Variants in BANK1 observed in about 807,000 individuals in gnomAD.
BANK1 encodes the protein B-cell scaffold protein with ankyrin repeats.
In BANK1, 95 loss-of-function variants were observed where a neutral mutation model predicts 94.5. The ratio of observed to expected loss-of-function variants is 1.00; its 90% CI spans 0.85 to 1.19. BANK1 has a LOEUF of 1.19. BANK1 is among the 50% of genes most tolerant of loss of function. The pLI, the probability that BANK1 is intolerant of heterozygous loss-of-function variation, is 0.00. For missense variants in BANK1, 987 were observed against 932.2 expected (o/e 1.06, Z -0.77); for synonymous variants, 334 against 308.4 (o/e 1.08, Z -0.87).
At position 101,874,298 on chromosome 4, in the gene BANK1, C is replaced by T. The variant is rs182040079; in HGVS notation, c.903+3654C>T. ...AGGGAACTCTCATCGTGAAGAACTTCTCCCTGTGCTTCTGTTAATAGTTCC... is the reference window on the plus strand; with the variant it reads ...AGGGAACTCTCATCGTGAAGAACTTTTCCCTGTGCTTCTGTTAATAGTTCC... On this transcript the variant is annotated intron_variant, in intron 5 of 16. Transcript: ENST00000322953. Among the ~76,000 whole-genome samples, 367 of 152,256 alleles carry T rather than the reference C, an allele frequency of 2.4e-3. 1 individual carries two copies. Among genetic ancestry groups the T allele is most frequent in the Non-Finnish European group, 3.4e-3 (232 of 68,002 alleles).
At chr4:101,899,158 A>G (rs1244811294) in intron 6 of BANK1, among the ~76,000 whole-genome samples, 1 of 147,462 alleles carries the variant, frequency 6.8e-6, no homozygotes, top group Non-Finnish European at 1.5e-5. Context: ...AATGTAAAAG[A>G]AAAAAAAAAT....
In BANK1 at chr4:101,949,056, G is replaced by A. The variant is rs150498917; in HGVS notation, c.1206+30867G>A. Among the ~76,000 whole-genome samples, 166 of 151,992 alleles carry A rather than the reference G, an allele frequency of 1.1e-3. 1 individual carries two copies. The highest frequency in any genetic ancestry group is 3.9e-3 in the African/African-American group (161 of 41,484). On this transcript the variant is annotated intron_variant, in intron 7 of 16. Transcript: ENST00000322953. ...GTCTCACCTTGGTCCTGGTCCTGTC[G>A]CTGAGGCTTGGGCTTGCTCTTATTT...
chr4:101,963,235 C>G (rs1399719599), intron 7 of BANK1, among the ~76,000 whole-genome samples: 1 of 152,078 alleles, frequency 6.6e-6, no homozygotes, highest in Non-Finnish European at 1.5e-5. Flanking sequence ...TCTCACACTT[C>G]TATTCTCCCA....
At chr4:101,962,503 C>T (rs1487732245) in intron 7 of BANK1, among the ~76,000 whole-genome samples, 1 of 152,188 alleles carries the variant, frequency 6.6e-6, no homozygotes, top group Admixed American at 6.6e-5. Context: ...TCTCTTTCAA[C>T]CACCTGCTTA....
intron 6 of BANK1, among the ~76,000 whole-genome samples, chr4:101,898,695 C>T (rs918259308): frequency 3.3e-5 from 5 of 151,908 alleles, no homozygotes; most frequent in Admixed American, 2.0e-4. Context: ...TTATTATTGC[C>T]GCATCCTCAA....
chr4:101,936,584 G>A (rs1002179863), intron 7 of BANK1, among the ~76,000 whole-genome samples: 1 of 150,050 alleles, frequency 6.7e-6, no homozygotes, highest in African/African-American at 2.4e-5. Context: ...GTATGTGTGT[G>A]TATATATATA....
intron 1 of BANK1, among the ~76,000 whole-genome samples, chr4:101,810,397 T>C (rs761930136): frequency 3.3e-4 from 50 of 152,066 alleles, no homozygotes; most frequent in Non-Finnish European, 4.4e-4. Context: ...AAAGCAAGAG[T>C]ACCATAAATA....
chr4:101,938,453 G>A (rs954248683), intron 7 of BANK1, among the ~76,000 whole-genome samples: 2 of 151,470 alleles, frequency 1.3e-5, no homozygotes, highest in Non-Finnish European at 3.0e-5. Context: ...AGTATAACTG[G>A]AATGTTTATA....
chr4:101,911,163 C>T (rs1409199532), intron 6 of BANK1, among the ~76,000 whole-genome samples: 1 of 152,170 alleles, frequency 6.6e-6, no homozygotes. Context: ...ATCCAGGCAG[C>T]CTAGCTCCAG....
At position 101,983,911 on chromosome 4, in the gene BANK1, A is replaced by G. The variant is rs1399197008; in HGVS notation, c.1207-37603A>G. ...TGGCAAGGGCATAATAGCAAAGAAT[A>G]GTACTGAGAGGATAATATGAAAGCC... is the stretch of plus-strand genomic sequence containing the variant. On this transcript the variant is annotated intron_variant, in intron 7 of 16. Transcript: ENST00000322953. Among the ~76,000 whole-genome samples the G allele has an allele frequency of 2.6e-5, 4 of 152,178 alleles. No homozygotes were observed. The East Asian group carries it at 7.7e-4, about 29-fold the overall frequency.
chr4:101,962,896 A>C (rs1488278109), intron 7 of BANK1, among the ~76,000 whole-genome samples: 1 of 152,112 alleles, frequency 6.6e-6, no homozygotes, highest in African/African-American at 2.4e-5. Flanking sequence ...CATCATTGAT[A>C]TATGTATTTG....
intron 6 of BANK1, among the ~76,000 whole-genome samples, chr4:101,897,267 A>AT (rs1282218458): frequency 2.0e-5 from 3 of 151,964 alleles, no homozygotes; most frequent in Non-Finnish European, 4.4e-5. Context: ...TTATGACACA[A>AT]TTTTACAAAT....
chr4:101,819,800 A>C (rs1245568817), intron 1 of BANK1, among the ~76,000 whole-genome samples: 1 of 152,146 alleles, frequency 6.6e-6, no homozygotes, highest in Non-Finnish European at 1.5e-5. Flanking sequence ...CGAAGGGAAC[A>C]TCAGAACACT....
At chr4:101,894,046 G>A (rs1033321443) in intron 5 of BANK1, among the ~76,000 whole-genome samples, 3 of 151,980 alleles carry the variant, frequency 2.0e-5, no homozygotes, top group Admixed American at 2.0e-4. Flanking sequence ...TCAATTTGGA[G>A]CATGTCTTCC....
At chr4:101,809,398 A>G (rs13131198) in intron 1 of BANK1, among the ~76,000 whole-genome samples, 37,843 of 152,062 alleles carry the variant, frequency 0.25, 5,265 homozygotes, top group Non-Finnish European at 0.32. Flanking sequence ...GGTACAGTGT[A>G]CACTGCTTAG....
intron 1 of BANK1, among the ~76,000 whole-genome samples, chr4:101,828,077 A>G (rs1726432511): frequency 6.6e-6 from 1 of 151,792 alleles, no homozygotes; most frequent in South Asian, 2.1e-4. Flanking sequence ...TGTTCCAAAT[A>G]GTCTATAATT....
At chr4:101,891,063 A>G (rs1462138409) in intron 5 of BANK1, among the ~76,000 whole-genome samples, 1 of 152,138 alleles carries the variant, frequency 6.6e-6, no homozygotes, top group African/African-American at 2.4e-5. Context: ...GAAGAAGGAA[A>G]GTCTATCATA....
intron 2 of BANK1, among the ~76,000 whole-genome samples, chr4:101,839,476 A>C (rs981210587): frequency 2.6e-5 from 4 of 152,132 alleles, no homozygotes; most frequent in Non-Finnish European, 5.9e-5. Flanking sequence ...ATTTCTAGGG[A>C]GGTAAGTAAT....
At chr4:101,999,836 C>T (rs1726001482) in intron 7 of BANK1, among the ~76,000 whole-genome samples, 2 of 152,022 alleles carry the variant, frequency 1.3e-5, no homozygotes, top group South Asian at 4.2e-4. Flanking sequence ...AAAGAACAGG[C>T]AAAGCTATTG....
Sources: allele counts gnomAD v4.1 joint callset (sites outside exome capture counted in the v4.1 genomes callset), GRCh38; gene constraint gnomAD v4.1.1; transcripts MANE v1.5; gene names NCBI Gene and HGNC (gene_info 2026-07-23, HGNC 2026-07-21).